Variants in SLC24A3 observed in about 807,000 individuals in gnomAD.
SLC24A3 encodes the protein solute carrier family 24 member 3.
SLC24A3 carries 28 observed loss-of-function variants against 75.8 expected under a neutral mutation model. The ratio of observed to expected loss-of-function variants is 0.37; its 90% CI spans 0.27 to 0.51. The LOEUF (loss-of-function observed/expected upper bound fraction) is 0.51. Ranked by LOEUF, SLC24A3 falls within the 20% of genes least tolerant of loss-of-function variation. SLC24A3 has a pLI of 0.94. For synonymous variants in SLC24A3, 372 were observed against 334.1 expected (o/e 1.11, Z -1.24); for missense variants, 663 against 847.8 (o/e 0.78, Z 2.71).
intron 2 of SLC24A3, among the ~76,000 whole-genome samples, chr20:19,485,481 C>A (rs1568631578): frequency 6.6e-6 from 1 of 152,184 alleles, no homozygotes; most frequent in Non-Finnish European, 1.5e-5. Flanking sequence ...AAAACACCTG[C>A]TAGGGCCTCG....
At chr20:19,609,979 G>A (rs1600301735) in intron 6 of SLC24A3, among the ~76,000 whole-genome samples, 1 of 152,298 alleles carries the variant, frequency 6.6e-6, no homozygotes. Flanking sequence ...TCTACTCACT[G>A]AGTCAATACA....
chr20:19,260,618 A>G (rs922144586), intron 1 of SLC24A3, among the ~76,000 whole-genome samples: 1 of 152,226 alleles, frequency 6.6e-6, no homozygotes, highest in Non-Finnish European at 1.5e-5. Flanking sequence ...AGTTCACAAC[A>G]TGTGCATCCT....
intron 9 of SLC24A3, among the ~76,000 whole-genome samples, chr20:19,674,694 G>C (rs2032504373): frequency 6.6e-6 from 1 of 152,212 alleles, no homozygotes; most frequent in African/African-American, 2.4e-5. Context: ...AACTGTTGAG[G>C]TATTTTAAAA....
chr20:19,336,020 A>C (rs1433123732), intron 2 of SLC24A3, among the ~76,000 whole-genome samples: 1 of 152,228 alleles, frequency 6.6e-6, no homozygotes, highest in Non-Finnish European at 1.5e-5. Flanking sequence ...ATCAAGATGA[A>C]TATGTTCAGT....
At chr20:19,595,347 G>A (rs896929708) in intron 6 of SLC24A3, among the ~76,000 whole-genome samples, 4 of 152,186 alleles carry the variant, frequency 2.6e-5, no homozygotes, top group African/African-American at 9.7e-5. Context: ...AAGCATCTTC[G>A]ATAAGGGCCT....
chr20:19,438,708 G>A lies in SLC24A3; in HGVS notation c.272-76780G>A, dbSNP rs56253406. Among the ~76,000 whole-genome samples, 480 of 152,254 alleles carry A rather than the reference G, an allele frequency of 3.2e-3. 5 individuals are homozygous for A. The highest frequency in any genetic ancestry group is 0.011 in the African/African-American group (462 of 41,546). On this transcript the variant is annotated intron_variant, in intron 2 of 16. Transcript: ENST00000328041. The stretch of plus-strand genomic sequence containing the variant: ...GCATCCCCACAGGGTAGGTAGTGTG[G>A]ACAGCAATCTGCTCATTGGCCTCTG...
intron 1 of SLC24A3, among the ~76,000 whole-genome samples, chr20:19,251,455 G>A (rs560117425): frequency 3.6e-4 from 55 of 152,330 alleles, no homozygotes; most frequent in Non-Finnish European, 6.3e-4. Flanking sequence ...AAGGACTTGG[G>A]TGCAAGGAGG....
At chr20:19,710,450 A>G (rs2032975849) in intron 15 of SLC24A3, among the ~76,000 whole-genome samples, 1 of 152,228 alleles carries the variant, frequency 6.6e-6, no homozygotes, top group Admixed American at 6.5e-5. Flanking sequence ...TGTTTCCTCC[A>G]CAACAACTGC....
At chr20:19,411,141 C>T (rs1986737877) in intron 2 of SLC24A3, among the ~76,000 whole-genome samples, 1 of 152,122 alleles carries the variant, frequency 6.6e-6, no homozygotes, top group African/African-American at 2.4e-5. Context: ...CTGCTTGAAC[C>T]CAGGGTGATC....
chr20:19,294,820 T>G (rs1984023637), intron 2 of SLC24A3, among the ~76,000 whole-genome samples: 2 of 152,218 alleles, frequency 1.3e-5, no homozygotes, highest in African/African-American at 4.8e-5. Context: ...GATTGCTGGG[T>G]CAAATGGTAT....
At chr20:19,524,591 A>G (rs1219316589) in intron 3 of SLC24A3, among the ~76,000 whole-genome samples, 9 of 152,192 alleles carry the variant, frequency 5.9e-5, no homozygotes, top group Non-Finnish European at 7.3e-5. Context: ...TGGAGATTAG[A>G]TACATGCAGC....
intron 2 of SLC24A3, among the ~76,000 whole-genome samples, chr20:19,363,692 A>G (rs1985834024): frequency 6.6e-6 from 1 of 152,222 alleles, no homozygotes; most frequent in Non-Finnish European, 1.5e-5. Context: ...TATTGTTTTT[A>G]GAGCATGCTA....
chr20:19,305,550 TAAGAATGATCTC>T (rs1984304341), intron 2 of SLC24A3, among the ~76,000 whole-genome samples: 1 of 151,944 alleles, frequency 6.6e-6, no homozygotes, highest in Admixed American at 6.6e-5. Context: ...CTTGTGGGGT[TAAGAATGATCTC>T]ATGACACATA....
chr20:19,419,396 C>G (rs1282358836), intron 2 of SLC24A3, among the ~76,000 whole-genome samples: 4 of 151,458 alleles, frequency 2.6e-5, no homozygotes, highest in Non-Finnish European at 4.4e-5. Context: ...GGCATTTAAG[C>G]CAGAAGAGAA....
chr20:19,669,149 C>A (rs2032434761), intron 8 of SLC24A3, among the ~76,000 whole-genome samples: 1 of 152,116 alleles, frequency 6.6e-6, no homozygotes, highest in Admixed American at 6.5e-5. Flanking sequence ...AGGGAAGAGG[C>A]AGGGGAATAG....
At chr20:19,334,110 C>T (rs2122297061) in intron 2 of SLC24A3, among the ~76,000 whole-genome samples, 1 of 151,450 alleles carries the variant, frequency 6.6e-6, no homozygotes, top group African/African-American at 2.4e-5. Flanking sequence ...GTAAAAGTCA[C>T]ACAGGAAACA....
At chr20:19,310,008 G>A (rs147570627) in intron 2 of SLC24A3, among the ~76,000 whole-genome samples, 53 of 152,296 alleles carry the variant, frequency 3.5e-4, no homozygotes, top group African/African-American at 1.2e-3. Context: ...AGTGAAAAGA[G>A]TCCAGCAGGC....
At chr20:19,449,463 C>T (rs1987444622) in intron 2 of SLC24A3, among the ~76,000 whole-genome samples, 1 of 152,188 alleles carries the variant, frequency 6.6e-6, no homozygotes, top group South Asian at 2.1e-4. Flanking sequence ...GAGTCCTAGG[C>T]TGGGGCTTGA....
At chr20:19,595,323 T>C (rs895945777) in intron 6 of SLC24A3, among the ~76,000 whole-genome samples, 4 of 152,114 alleles carry the variant, frequency 2.6e-5, no homozygotes, top group Non-Finnish European at 5.9e-5. Context: ...TAGTGTCACA[T>C]ATGGTAAGGG....
Sources: gnomAD v4.1 joint callset for allele counts (sites outside exome capture counted in the v4.1 genomes callset) on GRCh38, gnomAD v4.1.1 for gene constraint, MANE v1.5 for transcripts, NCBI Gene and HGNC (gene_info 2026-07-23, HGNC 2026-07-21) for gene names.